The following MYH10 variants were observed in gnomAD, a reference collection of about 807,000 sequenced individuals.
The protein encoded by MYH10 is myosin-10.
MYH10 carries 55 observed loss-of-function variants against 257.8 expected under a neutral mutation model. The observed-to-expected ratio is 0.21, with a 90% CI of 0.17 to 0.27. The LOEUF (loss-of-function observed/expected upper bound fraction) is 0.27. Ranked by LOEUF, MYH10 falls within the 10% of genes least tolerant of loss-of-function variation. MYH10 has a pLI of 1.00. For missense variants in MYH10, 1,631 were observed against 2,500.6 expected (o/e 0.65, Z 7.42); for synonymous variants, 854 against 921.7 (o/e 0.93, Z 1.33).
intron 7 of MYH10, among the ~76,000 whole-genome samples, chr17:8,566,792 A>G (rs1371694879): frequency 6.6e-6 from 1 of 152,222 alleles, no homozygotes. Context: ...ATATCTGTCC[A>G]AACACTAAAA....
intron 2 of MYH10, among the ~76,000 whole-genome samples, chr17:8,608,493 G>A (rs779380939): frequency 1.5e-4 from 23 of 152,306 alleles, no homozygotes; most frequent in Non-Finnish European, 2.8e-4. Flanking sequence ...ACTGATTTGT[G>A]GGAAAAGATA....
At chr17:8,594,707 T>C (rs2084295390) in intron 3 of MYH10, among the ~76,000 whole-genome samples, 3 of 152,160 alleles carry the variant, frequency 2.0e-5, no homozygotes, top group Admixed American at 2.0e-4. Context: ...AATCCATGGA[T>C]ACTCAAGTCC....
intron 6 of MYH10, among the ~76,000 whole-genome samples, chr17:8,574,074 T>C (rs2083428352): frequency 6.6e-6 from 1 of 152,216 alleles, no homozygotes; most frequent in Non-Finnish European, 1.5e-5. Flanking sequence ...CCATAACTTG[T>C]ACATGAGTGT....
chr17:8,577,850 T>C (rs1334104318), intron 4 of MYH10, among the ~76,000 whole-genome samples: 1 of 152,120 alleles, frequency 6.6e-6, no homozygotes, highest in Non-Finnish European at 1.5e-5. Context: ...TATTTCTTGA[T>C]AGATGCCAGT....
At chr17:8,550,350 G>A (rs1373790966) in intron 9 of MYH10, among the ~76,000 whole-genome samples, 144 of 150,786 alleles carry the variant, frequency 9.5e-4, no homozygotes, top group East Asian at 5.0e-3. Flanking sequence ...GCCCCGTCTG[G>A]GATGTGAGGA....
chr17:8,537,491 A>G (rs1003023552), intron 14 of MYH10, among the ~76,000 whole-genome samples: 1 of 152,176 alleles, frequency 6.6e-6, no homozygotes. Context: ...CCTCCACCTG[A>G]AAGAATTGTC....
At chr17:8,497,607 C>T (rs578218291) in intron 30 of MYH10, among the ~76,000 whole-genome samples, 2 of 151,766 alleles carry the variant, frequency 1.3e-5, no homozygotes, top group East Asian at 1.9e-4. Context: ...GGCATGGTGG[C>T]GGGTGCCTGT....
In MYH10 at chr17:8,513,831, C is replaced by T. The variant is rs968424696; in HGVS notation, c.2568G>A (p.Ala856=). ...ALKVLQRNCA[A]YLKLRHWQWW... ...ACTGCCAGTGCCGTAATTTCAGGTA[C>T]GCGGCACAGTTCCGCTGCAAGACCT... Residue 856 remains alanine (A), a synonymous_variant, in exon 22 of 43, where the codon GCG becomes GCA. Coordinates refer to ENST00000360416, the MANE Select transcript of MYH10 (RefSeq NM_001256012.3). 20 of 1,614,196 alleles carry T rather than the reference C, an allele frequency of 1.2e-5. No individual in the cohort carries two copies. Among genetic ancestry groups the T allele is most frequent in the East Asian group, 4.5e-5 (2 of 44,888 alleles).
intron 37 of MYH10, 94 bp from the exon 38 acceptor site, chr17:8,481,504 G>T: frequency 9.1e-7 from 1 of 1,095,728 alleles, no homozygotes; most frequent in Non-Finnish European, 1.3e-6. Flanking sequence ...CCTTGCTCCT[G>T]TCACTGTTTA....
chr17:8,559,421 TAA>T (rs2082912815), intron 7 of MYH10, among the ~76,000 whole-genome samples: 2 of 150,966 alleles, frequency 1.3e-5, no homozygotes, highest in South Asian at 4.2e-4. Context: ...ATATAATAAA[TAA>T]ATTAAAAGAT....
rs527756898 is a variant in MYH10, at chr17:8,553,759, T to C, written c.820+196A>G. 9.0e-4 allele frequency among the ~76,000 whole-genome samples: 137 copies of C among 152,340 alleles called. 1 individual carries two copies. Among genetic ancestry groups the C allele is most frequent in the African/African-American group, 3.1e-3 (130 of 41,588 alleles). Reference sequence around the variant, plus strand: ...CTTCCCCAGCCATGTGAATAAGTTATGGCCTGGTTTTACAAACAACAAAAC... The same window carrying C: ...CTTCCCCAGCCATGTGAATAAGTTACGGCCTGGTTTTACAAACAACAAAAC... On this transcript the variant is annotated intron_variant, in intron 8 of 42. Transcript: ENST00000360416.
intron 41 of MYH10, 39 bp downstream of exon 41, chr17:8,478,299 T>G: frequency 1.3e-6 from 2 of 1,552,214 alleles, no homozygotes; most frequent in South Asian, 2.2e-5. Context: ...ACCAGTTCCT[T>G]TGCTCACGCG....
At chr17:8,493,424 GA>G (rs1297334584) in intron 32 of MYH10, among the ~76,000 whole-genome samples, 2 of 151,600 alleles carry the variant, frequency 1.3e-5, no homozygotes, top group Non-Finnish European at 2.9e-5. Flanking sequence ...TTTGAGAGAA[GA>G]AAAATCAATA....
intron 3 of MYH10, among the ~76,000 whole-genome samples, chr17:8,592,845 C>T (rs1265907762): frequency 3.3e-5 from 2 of 60,448 alleles, no homozygotes; most frequent in African/African-American, 1.2e-4. Context: ...AAAAAAAAGA[C>T]ATTGCAATAA....
At chr17:8,547,716 G>GAT (rs932179622) in intron 11 of MYH10, among the ~76,000 whole-genome samples, 14 of 144,394 alleles carry the variant, frequency 9.7e-5, no homozygotes, top group Non-Finnish European at 1.4e-4. Context: ...GAAGCAAACT[G>GAT]ATATATATAT....
At chr17:8,621,998 T>C (rs187339119) in intron 2 of MYH10, among the ~76,000 whole-genome samples, 1 of 152,338 alleles carries the variant, frequency 6.6e-6, no homozygotes, top group Non-Finnish European at 1.5e-5. Context: ...TAAATATTCC[T>C]TAAACTAATT....
chr17:8,606,921 G>A (rs1449260590), intron 2 of MYH10, among the ~76,000 whole-genome samples: 1 of 152,160 alleles, frequency 6.6e-6, no homozygotes, highest in African/African-American at 2.4e-5. Context: ...ACCCTGGCTG[G>A]CCCTTGGGGT....
intron 35 of MYH10, among the ~76,000 whole-genome samples, chr17:8,489,706 AAAACACACACACACACACACACACAC>A (rs1341887577): frequency 8.9e-6 from 1 of 112,888 alleles, no homozygotes; most frequent in Non-Finnish European, 1.8e-5. Context: ...TCCGTCTGAA[AAAACACACACACACACACACACACAC>A]ACACACACAC....
At chr17:8,534,434 TAAGATGA>T (rs2082086084) in intron 16 of MYH10, among the ~76,000 whole-genome samples, 2 of 152,222 alleles carry the variant, frequency 1.3e-5, no homozygotes, top group African/African-American at 4.8e-5. Flanking sequence ...CAGTCATTCT[TAAGATGA>T]TCTTTTATAG....
Sources: allele counts gnomAD v4.1 joint callset (sites outside exome capture counted in the v4.1 genomes callset), GRCh38; gene constraint gnomAD v4.1.1; transcripts MANE v1.5; gene names NCBI Gene and HGNC (gene_info 2026-07-23, HGNC 2026-07-21).